Variants in INTS6L observed in about 807,000 individuals in gnomAD.
INTS6L encodes the protein integrator complex subunit 6-like.
A neutral mutation model predicts 64.7 loss-of-function variants in INTS6L; 18 were observed. That is an observed-to-expected ratio of 0.28 (90% CI 0.19 to 0.41). The LOEUF is 0.41. Among genes scored for constraint, INTS6L ranks in the 10% least tolerant of loss-of-function variants. INTS6L has a pLI of 1.00. For synonymous variants in INTS6L, 227 were observed against 235.9 expected (o/e 0.96, Z 0.34); for missense variants, 533 against 661.0 (o/e 0.81, Z 2.12).
chrX:135,556,090 T>C (rs1358148440), intron 8 of INTS6L, 78 bp from the exon 9 acceptor site: 1 of 991,727 alleles, frequency 1.0e-6, no homozygotes, highest in Admixed American at 3.5e-5. Flanking sequence ...TAGATGCTGC[T>C]ATGGAATGTT....
chrX:135,521,464 G>T (rs895418120), intron 2 of INTS6L, 146 bp downstream of exon 2: 166 of 544,270 alleles, frequency 3.0e-4, no homozygotes, highest in Non-Finnish European at 4.3e-4. Flanking sequence ...GCGGAGTGGT[G>T]CCGTCGGCGG....
chrX:135,577,560 A>C, intron 15 of INTS6L, 133 bp downstream of exon 15: 1 of 640,265 alleles, frequency 1.6e-6, no homozygotes, highest in Non-Finnish European at 2.4e-6. Flanking sequence ...TAAATCATCT[A>C]TTTGGTAGGT....
At chrX:135,537,946 A>G (rs1356354281) in intron 2 of INTS6L, among the ~76,000 whole-genome samples, 1 of 112,197 alleles carries the variant, frequency 8.9e-6, no homozygotes, top group African/African-American at 3.2e-5. Flanking sequence ...TTGCTAAAAA[A>G]ATGTTAATGA....
rs1408753486 is a variant in INTS6L at position 135,527,698 on chromosome X, T to A, written c.189+6380T>A. 5.4e-5 allele frequency among the ~76,000 whole-genome samples: 6 copies of A among 111,902 alleles called. No individual in the cohort carries two copies. In the East Asian group the frequency reaches 1.7e-3, roughly 31 times the overall value. ...AATAGGACAAAGCTTGTTGTCTATATGCTTGTTTGGTTATAATTACCTTTT... is the reference window on the plus strand; with the variant it reads ...AATAGGACAAAGCTTGTTGTCTATAAGCTTGTTTGGTTATAATTACCTTTT... On this transcript the variant is annotated intron_variant, in intron 2 of 17. Coordinates refer to ENST00000639893, the MANE Select transcript of INTS6L (RefSeq NM_001351601.3).
At chrX:135,576,422 T>C (rs1207182141) in intron 14 of INTS6L, among the ~76,000 whole-genome samples, 1 of 111,449 alleles carries the variant, frequency 9.0e-6, no homozygotes. Flanking sequence ...TGAACAGGCA[T>C]GTAGTAAATT....
intron 12 of INTS6L, 142 bp from the exon 13 acceptor site, chrX:135,573,797 G>A: frequency 1.6e-6 from 1 of 642,537 alleles, no homozygotes; most frequent in Non-Finnish European, 2.2e-6. Context: ...CTAGCAAGTG[G>A]AATTTTGCCA....
At chrX:135,539,039 G>A (rs2086126579) in intron 2 of INTS6L, among the ~76,000 whole-genome samples, 1 of 112,176 alleles carries the variant, frequency 8.9e-6, no homozygotes, top group Non-Finnish European at 1.9e-5. Context: ...TTTCAGGATG[G>A]CAAATGAATG....
chrX:135,566,951 C>A (rs782669810), intron 9 of INTS6L, among the ~76,000 whole-genome samples: 1 of 112,063 alleles, frequency 8.9e-6, no homozygotes, highest in East Asian at 2.8e-4. Flanking sequence ...AGAATAGAAG[C>A]AGGATACTTT....
chrX:135,534,401 A>G (rs1473801265), intron 2 of INTS6L, among the ~76,000 whole-genome samples: 1 of 110,526 alleles, frequency 9.0e-6, no homozygotes, highest in Non-Finnish European at 1.9e-5. Flanking sequence ...TTTCTGCAAT[A>G]TATCGGGGGA....
intron 9 of INTS6L, among the ~76,000 whole-genome samples, chrX:135,559,830 C>A (rs2086735774): frequency 8.9e-6 from 1 of 112,141 alleles, no homozygotes; most frequent in Admixed American, 9.4e-5. Flanking sequence ...AAAATTTTAG[C>A]CATTTTGATA....
chrX:135,537,001 A>G (rs2086073850), intron 2 of INTS6L, among the ~76,000 whole-genome samples: 1 of 112,313 alleles, frequency 8.9e-6, no homozygotes, highest in Non-Finnish European at 1.9e-5. Flanking sequence ...CACATGTCAG[A>G]GAACATACCA....
chrX:135,581,141 A>G lies in INTS6L; in HGVS notation c.2586A>G (p.Ala862=). 8.4e-7 allele frequency: 1 copy of G among 1,187,180 alleles called. No homozygotes were observed. The highest frequency in any genetic ancestry group is 1.1e-6 in the Non-Finnish European group (1 of 882,799). Residue 862 remains alanine, a splice_region_variant and synonymous_variant, in exon 17 of 18, where the codon GCA becomes GCG. Coordinates refer to ENST00000639893, the MANE Select transcript of INTS6L (RefSeq NM_001351601.3). The stretch of plus-strand genomic sequence containing the variant: ...TTGAATTTACCATCAAGGAAGCCGC[A>G]AGGTAGGTATAAACAGGAACTCTTC... The part of the protein sequence containing the change: ...QFVEFTIKEA[A]RFKRRVLIQY...
rs1556531752 is a variant in INTS6L at position 135,577,438 on chromosome X, G to A, written c.2119+11G>A. 8.3e-7 allele frequency: 1 copy of A among 1,198,338 alleles called. No homozygotes were observed. Among genetic ancestry groups the A allele is most frequent in the African/African-American group, 1.8e-5 (1 of 56,847 alleles). ...CCCTTGTACATACAGGTATAGAGTA[G>A]TGGTTGTGATTTCCTTATGGCTCCT... On this transcript the variant is annotated intron_variant, in intron 15 of 17. Coordinates refer to ENST00000639893, the MANE Select transcript of INTS6L (RefSeq NM_001351601.3).
chrX:135,526,276 T>C (rs1346160235), intron 2 of INTS6L, among the ~76,000 whole-genome samples: 1 of 111,198 alleles, frequency 9.0e-6, no homozygotes, highest in Non-Finnish European at 1.9e-5. Flanking sequence ...CATTCCCCTA[T>C]GAAAAAAAAA....
At chrX:135,563,631 G>GTATATATATATA (rs1168090208) in intron 9 of INTS6L, among the ~76,000 whole-genome samples, 1 of 8,067 alleles carries the variant, frequency 1.2e-4, no homozygotes, top group East Asian at 2.7e-3. Context: ...GTGTGTGTGT[G>GTATATATATATA]TGTATATATA....
rs1392040388 is a variant in INTS6L, at chrX:135,521,391, C to T, written c.189+73C>T. On this transcript the variant is annotated intron_variant, in intron 2 of 17. Transcript: ENST00000639893. ...GGCGGGGGCTGCTTACCCCCCTGCC[C>T]CCGCCTAAGGCGGTCCTGCGTCGCC... 10 of 1,072,525 alleles carry T rather than the reference C, an allele frequency of 9.3e-6. No individual in the cohort carries two copies. In the East Asian group the frequency reaches 1.3e-4, roughly 14 times the overall value. 88.4% of individuals were successfully genotyped at this position (1,072,525 alleles called of 1,213,427 possible).
At position 135,552,157 on chromosome X, in the gene INTS6L, T is replaced by C. The variant is rs782733789; in HGVS notation, c.1059+11T>C. 8.6e-7 allele frequency: 1 copy of C among 1,165,188 alleles called. No individual in the cohort carries two copies. The highest frequency in any genetic ancestry group is 1.8e-5 in the African/African-American group (1 of 55,312). ...CATACCTGCTGGCAGGTACTTATCCTTACCTATTAGCTAAATGTCTGTAAC... is the reference window on the plus strand; with the variant it reads ...CATACCTGCTGGCAGGTACTTATCCCTACCTATTAGCTAAATGTCTGTAAC... On this transcript the variant is annotated intron_variant, in intron 8 of 17. Transcript: ENST00000639893.
At position 135,576,391 on chromosome X, in the gene INTS6L, A is replaced by C. The variant is rs782505085; in HGVS notation, c.1885-802A>C. On this transcript the variant is annotated intron_variant, in intron 14 of 17. Coordinates refer to ENST00000639893, the MANE Select transcript of INTS6L (RefSeq NM_001351601.3). ...GAACTCTGCATAATATTAAGTGAGT[A>C]CATGCACATTGTTTACAACATGAAC... Among the ~76,000 whole-genome samples, 3 of 110,922 alleles carry C rather than the reference A, an allele frequency of 2.7e-5. No individual in the cohort carries two copies. In the South Asian group the frequency reaches 1.2e-3, roughly 43 times the overall value.
intron 15 of INTS6L, among the ~76,000 whole-genome samples, chrX:135,578,344 C>T (rs2087285669): frequency 8.9e-6 from 1 of 111,837 alleles, no homozygotes; most frequent in South Asian, 3.7e-4. Flanking sequence ...CGAACTTGCC[C>T]CTCTCCAAAA....
Sources: allele counts gnomAD v4.1 joint callset (sites outside exome capture counted in the v4.1 genomes callset), GRCh38; gene constraint gnomAD v4.1.1; transcripts MANE v1.5; gene names NCBI Gene and HGNC (gene_info 2026-07-23, HGNC 2026-07-21).